Variants in RC3H2 observed in about 807,000 individuals in gnomAD.
RC3H2 encodes the protein ring finger and CCCH-type domains 2.
In RC3H2, 31 loss-of-function variants were observed where a neutral mutation model predicts 133.3. The ratio of observed to expected loss-of-function variants is 0.23; its 90% CI spans 0.17 to 0.31. The LOEUF (loss-of-function observed/expected upper bound fraction) is 0.31. Ranked by LOEUF, RC3H2 falls within the 10% of genes least tolerant of loss-of-function variation. The pLI is 1.00. For synonymous variants in RC3H2, 517 were observed against 502.2 expected (o/e 1.03, Z -0.40); for missense variants, 1,175 against 1,437.2 (o/e 0.82, Z 2.95).
Position 122,880,148 on chromosome 9 carries a change from C to T in RC3H2, c.961-23G>A, listed in dbSNP as rs543533221. ...TAGCTAACAAACAGAAATGAGAATG[C>T]TTTTTACTTTGGTTCTTATGACACA... On this transcript the variant is annotated intron_variant, in intron 6 of 20. Transcript: ENST00000357244. 1.1e-5 allele frequency: 18 copies of T among 1,612,932 alleles called. No homozygotes were observed. In the South Asian group the frequency reaches 1.6e-4, roughly 15 times the overall value.
rs920272188 is a variant in RC3H2 at position 122,883,185 on chromosome 9, A to G, written c.759+19T>C. ...GTCTCACAAACAGGCATGTCTTTAC[A>G]TAGATACTTACTGCTTACCTTAAAA... On this transcript the variant is annotated intron_variant, in intron 5 of 20. Coordinates refer to ENST00000357244, the MANE Select transcript of RC3H2 (RefSeq NM_001100588.3). 1.2e-6 allele frequency: 2 copies of G among 1,606,378 alleles called. No homozygotes were observed. Among genetic ancestry groups the G allele is most frequent in the African/African-American group, 1.3e-5 (1 of 74,400 alleles).
intron 11 of RC3H2, among the ~76,000 whole-genome samples, chr9:122,859,629 C>A (rs1317003498): frequency 1.3e-5 from 2 of 152,098 alleles, no homozygotes; most frequent in Non-Finnish European, 2.9e-5. Context: ...CACTCTCTTT[C>A]CAAAATTGAA....
intron 3 of RC3H2, among the ~76,000 whole-genome samples, chr9:122,891,536 T>C (rs917959667): frequency 2.0e-5 from 3 of 152,220 alleles, no homozygotes; most frequent in Admixed American, 6.5e-5. Context: ...TTGGTTAAAT[T>C]AGTTAATTCT....
chr9:122,870,527 G>C (rs1831041024), intron 9 of RC3H2, among the ~76,000 whole-genome samples: 1 of 152,122 alleles, frequency 6.6e-6, no homozygotes, highest in Non-Finnish European at 1.5e-5. Context: ...TCTTAACCAA[G>C]TGAGGTAAAG....
chr9:122,862,524 T>A (rs1047035900), intron 10 of RC3H2, among the ~76,000 whole-genome samples: 1 of 152,206 alleles, frequency 6.6e-6, no homozygotes, highest in African/African-American at 2.4e-5. Context: ...ATACCTCTCA[T>A]AGAATTATTC....
chr9:122,851,156 C>T lies in RC3H2; in HGVS notation c.3305G>A (p.Gly1102Glu). ...CTTTTGGTGCTGCTGTACTGGATGC[C>T]CATTTTCCACTGCCATTCCATTTAG... ...QLLNGMAVEN[G>E]HPVQQHQKEP... is the part of the protein sequence containing the mutation. Residue 1102 changes from glycine (G) to glutamate (E), a missense_variant, in exon 20 of 21, where the codon GGG becomes GAG. Physicochemically the swap from Gly to Glu is moderately conservative, Grantham distance 98. This residue lies in a region of RC3H2 where 220 missense variants were observed against 201.1 expected (regional missense o/e 1.09). Transcript: ENST00000357244. 1 of 1,614,122 alleles carries T rather than the reference C, an allele frequency of 6.2e-7. No homozygotes were observed. The highest frequency in any genetic ancestry group is 1.3e-5 in the African/African-American group (1 of 75,038).
At position 122,855,896 on chromosome 9, in the gene RC3H2, A is replaced by C; in HGVS notation, c.2455-18T>G. The C allele has an allele frequency of 6.3e-7, 1 of 1,589,898 alleles. No individual in the cohort carries two copies. The highest frequency in any genetic ancestry group is 8.6e-7 in the Non-Finnish European group (1 of 1,169,108). On this transcript the variant is annotated intron_variant, in intron 13 of 20. Transcript: ENST00000357244. The stretch of plus-strand genomic sequence containing the variant: ...TCTGAGAACTGGTTAAAAAAAAATA[A>C]ATAAAGCCAATTAGTAAGAAGCTTA...
In RC3H2 at chr9:122,853,993, A is replaced by C. The variant is rs1432399608; in HGVS notation, c.3076T>G (p.Leu1026Val). Reference sequence around the variant, plus strand: ...TCAATTTCCTTGCTTAAAAGGTTTAAGGTAAGGTGACGGCCTTCATCCAGG... The same window carrying C: ...TCAATTTCCTTGCTTAAAAGGTTTACGGTAAGGTGACGGCCTTCATCCAGG... ...NSLDEGRHLT[L>V]NLLSKEIELR... Residue 1026 changes from leucine to valine, a missense_variant, in exon 18 of 21, where the codon TTA (leucine) becomes GTA (valine). Transcript: ENST00000357244. 1.2e-6 allele frequency: 2 copies of C among 1,614,206 alleles called. No homozygotes were observed. Among genetic ancestry groups the C allele is most frequent in the East Asian group, 4.5e-5 (2 of 44,892 alleles).
In RC3H2 at chr9:122,865,333, T is replaced by A; in HGVS notation, c.1634+16A>T. On this transcript the variant is annotated intron_variant, in intron 10 of 20. Coordinates refer to ENST00000357244, the MANE Select transcript of RC3H2 (RefSeq NM_001100588.3). ...GGAAAAAGAATTTCCAGTAATCATT[T>A]TTACCTAATACCTACTTTTCAGTTA... 4 of 1,570,448 alleles carry A rather than the reference T, an allele frequency of 2.5e-6. No homozygotes were observed. The highest frequency in any genetic ancestry group is 3.5e-6 in the Non-Finnish European group (4 of 1,155,752).
chr9:122,853,405 A>C (rs988947074), intron 18 of RC3H2, among the ~76,000 whole-genome samples: 24 of 151,562 alleles, frequency 1.6e-4, no homozygotes, highest in Non-Finnish European at 1.3e-4. Flanking sequence ...AAAGAAAAAT[A>C]CTGATTTTAT....
intron 4 of RC3H2, 70 bp downstream of exon 4, chr9:122,890,242 C>T (rs764225196): frequency 1.6e-5 from 18 of 1,106,248 alleles, no homozygotes; most frequent in South Asian, 5.1e-5. Context: ...CAGGATTCAC[C>T]GAGCTCCAGA....
intron 18 of RC3H2, among the ~76,000 whole-genome samples, chr9:122,853,123 A>G (rs1194784744): frequency 6.6e-6 from 1 of 152,060 alleles, no homozygotes; most frequent in Non-Finnish European, 1.5e-5. Flanking sequence ...GTGTCCACTC[A>G]GAGTTAAATG....
chr9:122,879,742 T>C lies in RC3H2; in HGVS notation c.1212+13A>G, dbSNP rs199744100. The C allele has an allele frequency of 1.7e-5, 26 of 1,533,384 alleles. No homozygotes were observed. Among genetic ancestry groups the C allele is most frequent in the Non-Finnish European group, 2.3e-5 (26 of 1,117,680 alleles). The allele number at this position is 1,533,384 out of a possible 1,614,324, so 95.0% of individuals were successfully genotyped here. On this transcript the variant is annotated intron_variant, in intron 8 of 20. Coordinates refer to ENST00000357244, the MANE Select transcript of RC3H2 (RefSeq NM_001100588.3). ...GAGACAACAGCAGTCAGAAATGTAA[T>C]AAATGTACTTACCTGAGGGGTCTCA...
At chr9:122,896,644 C>T (rs940429183) in intron 2 of RC3H2, among the ~76,000 whole-genome samples, 3 of 151,990 alleles carry the variant, frequency 2.0e-5, no homozygotes, top group Non-Finnish European at 4.4e-5. Flanking sequence ...ATACTATATA[C>T]CTATTACTGA....
chr9:122,857,541 A>G (rs1246877761), intron 13 of RC3H2, among the ~76,000 whole-genome samples: 1 of 152,222 alleles, frequency 6.6e-6, no homozygotes, highest in East Asian at 1.9e-4. Context: ...CCTACCCTGT[A>G]AAATATGGAA....
intron 9 of RC3H2, among the ~76,000 whole-genome samples, chr9:122,871,329 G>A (rs1414690131): frequency 6.6e-6 from 1 of 150,430 alleles, no homozygotes; most frequent in Non-Finnish European, 1.5e-5. Context: ...ACGGAGTCTC[G>A]CTCTGTTGCC....
At chr9:122,874,560 C>T (rs1339345282) in intron 9 of RC3H2, 5 of 151,704 alleles carry the variant, frequency 3.3e-5, no homozygotes, top group East Asian at 1.9e-4. Context: ...CTCTGCTGCC[C>T]GGGTTGGAAT....
At chr9:122,870,371 T>A (rs1301363591) in intron 9 of RC3H2, among the ~76,000 whole-genome samples, 1 of 129,632 alleles carries the variant, frequency 7.7e-6, no homozygotes, top group East Asian at 2.1e-4. Context: ...CAAGACTCTG[T>A]CTCCAAAAAC....
intron 1 of RC3H2, among the ~76,000 whole-genome samples, chr9:122,903,534 G>GT (rs1297977213): frequency 1.3e-5 from 2 of 152,182 alleles, no homozygotes; most frequent in African/African-American, 2.4e-5. Flanking sequence ...AACAAAGGAC[G>GT]TAAGTCTTCT....
Sources: gnomAD v4.1 joint callset for allele counts (sites outside exome capture counted in the v4.1 genomes callset) on GRCh38, gnomAD v4.1.1 for gene constraint, gnomAD v4.1.1 regional missense constraint, MANE v1.5 for transcripts, NCBI Gene and HGNC (gene_info 2026-07-23, HGNC 2026-07-21) for gene names.